CHKA: variants seen among roughly 807,000 people sequenced by gnomAD.
CHKA encodes CHETK-alpha.
In CHKA, 34 loss-of-function variants were observed where a neutral mutation model predicts 60.1. The ratio of observed to expected loss-of-function variants is 0.57; its 90% CI spans 0.43 to 0.75. The LOEUF is 0.75. Ranked by LOEUF, CHKA falls within the 30% of genes least tolerant of loss-of-function variation. CHKA has a pLI of 0.00. For missense variants in CHKA, 563 were observed against 561.3 expected (o/e 1.00, Z -0.03); for synonymous variants, 217 against 223.1 (o/e 0.97, Z 0.24).
At chr11:68,096,902 T>C (rs1462154540) in intron 2 of CHKA, 117 bp downstream of exon 2, 1 of 632,520 alleles carries the variant, frequency 1.6e-6, no homozygotes, top group Non-Finnish European at 2.6e-6. Flanking sequence ...AGCAATATAC[T>C]CAAATATCTT....
chr11:68,083,026 G>C (rs1193750753), intron 2 of CHKA, among the ~76,000 whole-genome samples: 1 of 152,190 alleles, frequency 6.6e-6, no homozygotes, highest in East Asian at 1.9e-4. Flanking sequence ...CACTCTCGTG[G>C]CCGCATCGTT....
chr11:68,067,056 A>C (rs1056454279), intron 7 of CHKA, among the ~76,000 whole-genome samples: 1 of 152,118 alleles, frequency 6.6e-6, no homozygotes, highest in Non-Finnish European at 1.5e-5. Flanking sequence ...CAGCATTCCT[A>C]CAAGACTATT....
At chr11:68,116,979 C>T (rs1390062442) in intron 1 of CHKA, among the ~76,000 whole-genome samples, 2 of 152,138 alleles carry the variant, frequency 1.3e-5, no homozygotes, top group African/African-American at 4.8e-5. Context: ...CTACACTTAT[C>T]CAGTTCCGGT....
At chr11:68,061,764 G>A in intron 11 of CHKA, 189 bp downstream of exon 11, 1 of 636,056 alleles carries the variant, frequency 1.6e-6, no homozygotes, top group South Asian at 1.5e-5. Context: ...AGTGACAGCG[G>A]CTTCTCCCCC....
rs1252885357 is a variant in CHKA at position 68,104,428 on chromosome 11, T to C, written c.351-7298A>G. ...TCATAAATAGGACAATTATTATTAT[T>C]ATTATTTTTTGAGACTGAGTTTTGC... On this transcript the variant is annotated intron_variant, in intron 1 of 11. Coordinates refer to ENST00000265689, the MANE Select transcript of CHKA (RefSeq NM_001277.3). 3.3e-5 allele frequency among the ~76,000 whole-genome samples: 5 copies of C among 152,094 alleles called. No homozygotes were observed. The South Asian group carries it at 6.2e-4, about 19-fold the overall frequency.
chr11:68,113,507 C>A (rs1858259663), intron 1 of CHKA, among the ~76,000 whole-genome samples: 1 of 150,262 alleles, frequency 6.7e-6, no homozygotes, highest in Admixed American at 6.7e-5. Context: ...ACCAGCCTGT[C>A]CAACACAGTG....
At chr11:68,079,647 A>T (rs1856912105) in intron 3 of CHKA, among the ~76,000 whole-genome samples, 1 of 152,164 alleles carries the variant, frequency 6.6e-6, no homozygotes, top group Admixed American at 6.5e-5. Context: ...ACTATTCTTG[A>T]AATTTTTTCT....
At chr11:68,103,492 C>G (rs1590875886) in intron 1 of CHKA, among the ~76,000 whole-genome samples, 1 of 151,932 alleles carries the variant, frequency 6.6e-6, no homozygotes, top group East Asian at 1.9e-4. Flanking sequence ...AAAAGGGAAC[C>G]CTTACACACT....
intron 2 of CHKA, among the ~76,000 whole-genome samples, chr11:68,091,409 A>G (rs1565186605): frequency 6.6e-6 from 1 of 152,216 alleles, no homozygotes; most frequent in Non-Finnish European, 1.5e-5. Context: ...TACAAATAAT[A>G]TTGTATAGTT....
At chr11:68,112,095 A>C (rs1203269139) in intron 1 of CHKA, among the ~76,000 whole-genome samples, 2 of 13,058 alleles carry the variant, frequency 1.5e-4, no homozygotes, top group Non-Finnish European at 2.5e-4. Flanking sequence ...GAACAACGGG[A>C]CGTCCACATG....
chr11:68,116,539 T>C (rs1858388956), intron 1 of CHKA, among the ~76,000 whole-genome samples: 1 of 151,832 alleles, frequency 6.6e-6, no homozygotes, highest in Non-Finnish European at 1.5e-5. Context: ...TGTGAAACCT[T>C]GTATCTACTA....
rs770706658 is a variant in CHKA, at chr11:68,077,278, CA to C, written c.517-2449del. 1.6e-4 allele frequency among the ~76,000 whole-genome samples: 24 copies of C among 152,004 alleles called. No individual in the cohort carries two copies. In the East Asian group the frequency reaches 1.9e-3, roughly 12 times the overall value. Reference sequence around the variant, plus strand: ...ATGAAAGAGAACACCCAGGCACAAGCAAGAAAAATGACAGGTTAAGGACAGC... The same window carrying C: ...ATGAAAGAGAACACCCAGGCACAAGCAGAAAAATGACAGGTTAAGGACAGC... On this transcript the variant is annotated intron_variant, in intron 3 of 11. Transcript: ENST00000265689.
At chr11:68,089,563 T>C (rs553569964) in intron 2 of CHKA, among the ~76,000 whole-genome samples, 11 of 152,300 alleles carry the variant, frequency 7.2e-5, no homozygotes, top group South Asian at 6.2e-4. Context: ...AATTCCTAAA[T>C]GTTTGTCATT....
At chr11:68,069,984 G>A (rs190739379) in intron 6 of CHKA, among the ~76,000 whole-genome samples, 19 of 152,278 alleles carry the variant, frequency 1.2e-4, no homozygotes, top group African/African-American at 3.6e-4. Flanking sequence ...CTGACCAGAG[G>A]CCACGTGTGG....
chr11:68,112,295 G>A (rs1490504634), intron 1 of CHKA, among the ~76,000 whole-genome samples: 6 of 130 alleles, frequency 0.046, no homozygotes, highest in Non-Finnish European at 0.081. Flanking sequence ...CACTCTTGTC[G>A]CAACAGTCTG....
chr11:68,053,115 A>C lies in CHKA; in HGVS notation c.*873T>G, dbSNP rs1442004553. On this transcript the variant is annotated 3_prime_UTR_variant, in exon 12 of 12. Coordinates refer to ENST00000265689, the MANE Select transcript of CHKA (RefSeq NM_001277.3). The stretch of plus-strand genomic sequence containing the variant: ...GGGCCGGGAAACCGGGCCCTTGGAG[A>C]ACCCTGCCCAGGGGAGGCCCAGCCT... 2.6e-5 allele frequency: 4 copies of C among 152,412 alleles called. No individual in the cohort carries two copies. Among genetic ancestry groups the C allele is most frequent in the African/African-American group, 9.7e-5 (4 of 41,388 alleles). The allele number at this position is 152,412 out of a possible 1,614,324, so 9.4% of individuals were successfully genotyped here. A position where few individuals can be genotyped will look rare whatever the true frequency, so the allele number is the denominator to read the frequency against.
chr11:68,116,044 T>C (rs1296407258), intron 1 of CHKA, among the ~76,000 whole-genome samples: 1 of 152,172 alleles, frequency 6.6e-6, no homozygotes, highest in Non-Finnish European at 1.5e-5. Context: ...GCCAGTCTTT[T>C]CATGGGACTC....
At position 68,061,873 on chromosome 11, in the gene CHKA, T is replaced by C. The variant is rs112302040; in HGVS notation, c.1314+80A>G. 637 of 998,274 alleles carry C rather than the reference T, an allele frequency of 6.4e-4. 2 individuals are homozygous for C. The African/African-American group carries it at 8.5e-3, about 13-fold the overall frequency. The allele number at this position is 998,274 out of a possible 1,614,324, so 61.8% of individuals were successfully genotyped here. A position where few individuals can be genotyped will look rare whatever the true frequency, so the allele number is the denominator to read the frequency against. On this transcript the variant is annotated intron_variant, in intron 11 of 11. Transcript: ENST00000265689. ...CCCTCTGTAAGGAACAGTCATTTGC[T>C]GCCAACATTCACAAATACTATAGCA...
chr11:68,110,498 T>A (rs544478689), intron 1 of CHKA, among the ~76,000 whole-genome samples: 1 of 152,168 alleles, frequency 6.6e-6, no homozygotes. Flanking sequence ...TTACCATTTA[T>A]ATGAGCACCC....
Sources: gnomAD v4.1 joint callset for allele counts (sites outside exome capture counted in the v4.1 genomes callset) on GRCh38, gnomAD v4.1.1 for gene constraint, MANE v1.5 for transcripts, NCBI Gene and HGNC (gene_info 2026-07-23, HGNC 2026-07-21) for gene names.